ENTHD1: variants seen among roughly 807,000 people sequenced by gnomAD.
ENTHD1 encodes the protein ENTH domain-containing protein 1.
ENTHD1 carries 23 observed loss-of-function variants against 39.1 expected under a neutral mutation model. That is an observed-to-expected ratio of 0.59 (90% confidence interval 0.42 to 0.83). The LOEUF (loss-of-function observed/expected upper bound fraction) is 0.83, where lower values mean the gene tolerates loss of function less well. Among genes scored for constraint, ENTHD1 ranks in the 40% least tolerant of loss-of-function variants. ENTHD1 has a pLI of 0.00. For synonymous variants in ENTHD1, 230 were observed against 258.2 expected (o/e 0.89, Z 1.05); for missense variants, 624 against 705.4 (o/e 0.88, Z 1.31).
At chr22:39,778,232 G>C (rs1002864457) in intron 5 of ENTHD1, among the ~76,000 whole-genome samples, 10 of 152,162 alleles carry the variant, frequency 6.6e-5, no homozygotes, top group Admixed American at 5.9e-4. Context: ...ACTGGAAGTG[G>C]ATGGGAATGT....
intron 3 of ENTHD1, among the ~76,000 whole-genome samples, chr22:39,840,422 C>T (rs1406924033): frequency 6.6e-6 from 1 of 152,138 alleles, no homozygotes; most frequent in African/African-American, 2.4e-5. Flanking sequence ...ATCAAACTGA[C>T]GTTCAAATTA....
chr22:39,882,172 A>C (rs930425056), intron 2 of ENTHD1, among the ~76,000 whole-genome samples: 2 of 152,202 alleles, frequency 1.3e-5, no homozygotes, highest in African/African-American at 4.8e-5. Flanking sequence ...CTGATGGTGA[A>C]AGGATGATTA....
At chr22:39,769,192 G>A (rs907414069) in intron 5 of ENTHD1, among the ~76,000 whole-genome samples, 1 of 152,076 alleles carries the variant, frequency 6.6e-6, no homozygotes, top group Admixed American at 6.5e-5. Flanking sequence ...CTAGAAAATT[G>A]TAGCCTCCCA....
chr22:39,816,861 T>A (rs1245020131), intron 5 of ENTHD1, among the ~76,000 whole-genome samples: 1 of 151,828 alleles, frequency 6.6e-6, no homozygotes, highest in Non-Finnish European at 1.5e-5. Flanking sequence ...TGAAAGATAT[T>A]TGCAACATAA....
At chr22:39,825,844 T>G (rs1443404826) in intron 4 of ENTHD1, among the ~76,000 whole-genome samples, 3 of 151,880 alleles carry the variant, frequency 2.0e-5, no homozygotes, top group African/African-American at 7.3e-5. Flanking sequence ...CATTCCTCCC[T>G]CCCACTAACC....
At chr22:39,793,107 C>T (rs1457110976) in intron 5 of ENTHD1, among the ~76,000 whole-genome samples, 2 of 152,122 alleles carry the variant, frequency 1.3e-5, no homozygotes, top group African/African-American at 4.8e-5. Flanking sequence ...TATTCCCTAT[C>T]TTTTTGATAA....
intron 4 of ENTHD1, among the ~76,000 whole-genome samples, chr22:39,827,077 G>A (rs555928503): frequency 2.7e-5 from 4 of 150,004 alleles, no homozygotes; most frequent in African/African-American, 4.9e-5. Flanking sequence ...GTGCAGTGGC[G>A]CGATCTCGGC....
At chr22:39,832,633 C>T (rs1171422493) in intron 4 of ENTHD1, among the ~76,000 whole-genome samples, 3 of 152,080 alleles carry the variant, frequency 2.0e-5, no homozygotes, top group Admixed American at 1.3e-4. Context: ...CTGAGAAGGT[C>T]GCAGAACACT....
At chr22:39,843,917 G>T (rs948027582) in intron 3 of ENTHD1, among the ~76,000 whole-genome samples, 1 of 152,156 alleles carries the variant, frequency 6.6e-6, no homozygotes, top group Non-Finnish European at 1.5e-5. Flanking sequence ...TTGAAGCAAG[G>T]ATCTGGGAGA....
chr22:39,862,039 G>C (rs377073330), intron 2 of ENTHD1, 32 bp from the exon 3 acceptor site: 2 of 1,405,444 alleles, frequency 1.4e-6, no homozygotes, highest in East Asian at 4.9e-5. Context: ...CTTAGAAAAG[G>C]AAATACTAGT....
intron 6 of ENTHD1, among the ~76,000 whole-genome samples, chr22:39,764,842 G>A (rs2065262035): frequency 6.6e-6 from 1 of 151,870 alleles, no homozygotes; most frequent in South Asian, 2.1e-4. Flanking sequence ...ATGTGGGGGT[G>A]TGTGTATACA....
intron 2 of ENTHD1, chr22:39,874,154 G>C (rs1469324058): frequency 6.6e-6 from 1 of 152,114 alleles, no homozygotes; most frequent in African/African-American, 2.4e-5. Flanking sequence ...CAAAAGACCT[G>C]CCCCCATGAT....
chr22:39,751,601 T>C (rs912071233), intron 6 of ENTHD1, among the ~76,000 whole-genome samples: 10 of 152,240 alleles, frequency 6.6e-5, no homozygotes, highest in African/African-American at 2.4e-4. Context: ...TGAGAAGTCA[T>C]AGGCTTAAAA....
At chr22:39,830,158 C>T (rs771118159) in intron 4 of ENTHD1, among the ~76,000 whole-genome samples, 2 of 152,284 alleles carry the variant, frequency 1.3e-5, no homozygotes, top group Non-Finnish European at 2.9e-5. Context: ...TCACTGCAAC[C>T]TCTGCCTCCC....
chr22:39,877,987 G>A (rs548600669), intron 2 of ENTHD1, among the ~76,000 whole-genome samples: 46 of 152,296 alleles, frequency 3.0e-4, no homozygotes, highest in Middle Eastern at 3.4e-3. Flanking sequence ...AGATAGGGCC[G>A]AGATATTAGA....
intron 5 of ENTHD1, among the ~76,000 whole-genome samples, chr22:39,778,708 GT>G (rs2065384772): frequency 6.6e-6 from 1 of 152,132 alleles, no homozygotes; most frequent in Non-Finnish European, 1.5e-5. Context: ...AGAGGCAGTT[GT>G]ATGGTCCTTG....
intron 5 of ENTHD1, 26 bp from the exon 6 acceptor site, chr22:39,765,635 A>G: frequency 6.4e-7 from 1 of 1,550,428 alleles, no homozygotes; most frequent in East Asian, 2.3e-5. Context: ...TAAGAGCTAT[A>G]ATCAAAAAAT....
chr22:39,854,346 A>G (rs1240476949), intron 3 of ENTHD1, among the ~76,000 whole-genome samples: 1 of 152,200 alleles, frequency 6.6e-6, no homozygotes, highest in South Asian at 2.1e-4. Context: ...CATGATATGG[A>G]ATGCTATTAC....
chr22:39,839,288 G>T lies in ENTHD1; in HGVS notation c.593-3330C>A, dbSNP rs534767746. On this transcript the variant is annotated intron_variant, in intron 3 of 6. Transcript: ENST00000325157. ...TATAAGTCTAACATACAGACTTACAGGAAACAGAGAACAATTATATGCTAA... is the reference window on the plus strand; with the variant it reads ...TATAAGTCTAACATACAGACTTACATGAAACAGAGAACAATTATATGCTAA... 3.3e-5 allele frequency among the ~76,000 whole-genome samples: 5 copies of T among 152,218 alleles called. No homozygotes were observed. The East Asian group carries it at 9.6e-4, about 29-fold the overall frequency.
Sources: gnomAD v4.1 joint callset for allele counts (sites outside exome capture counted in the v4.1 genomes callset) on GRCh38, gnomAD v4.1.1 for gene constraint, MANE v1.5 for transcripts, NCBI Gene and HGNC (gene_info 2026-07-23, HGNC 2026-07-21) for gene names.